Variants in CYB5B observed in about 807,000 individuals in gnomAD.
CYB5B encodes cytochrome b5 type B.
In CYB5B, 14 loss-of-function variants were observed where a neutral mutation model predicts 21.3. The ratio of observed to expected loss-of-function variants is 0.66; its 90% CI spans 0.43 to 1.03. The LOEUF is 1.03. Among genes scored for constraint, CYB5B ranks in the 50% least tolerant of loss-of-function variants. The pLI, the probability that CYB5B is intolerant of heterozygous loss-of-function variation, is 0.00. For missense variants in CYB5B, 166 were observed against 185.1 expected (o/e 0.90, Z 0.60); for synonymous variants, 69 against 68.4 (o/e 1.01, Z -0.04).
intron 3 of CYB5B, among the ~76,000 whole-genome samples, chr16:69,457,669 C>G (rs1229244156): frequency 3.3e-5 from 5 of 152,162 alleles, no homozygotes; most frequent in Non-Finnish European, 7.4e-5. Context: ...CGGATCCTTA[C>G]TAGACTAGTT....
At chr16:69,460,675 A>G (rs1317189464) in intron 4 of CYB5B, among the ~76,000 whole-genome samples, 4 of 152,238 alleles carry the variant, frequency 2.6e-5, no homozygotes, top group Admixed American at 2.6e-4. Flanking sequence ...CTAATGATAT[A>G]CTTGATAGAA....
chr16:69,442,542 T>A (rs1597282636), intron 1 of CYB5B, among the ~76,000 whole-genome samples: 1 of 152,102 alleles, frequency 6.6e-6, no homozygotes, highest in East Asian at 1.9e-4. Context: ...GTATTTTTAA[T>A]TTTTTTAGTG....
intron 1 of CYB5B, among the ~76,000 whole-genome samples, chr16:69,442,222 T>C (rs778506359): frequency 2.8e-4 from 42 of 152,194 alleles, no homozygotes; most frequent in Non-Finnish European, 4.9e-4. Flanking sequence ...TTTTCTTTCT[T>C]TGTTTACATG....
At chr16:69,443,252 A>T (rs1183015857) in intron 1 of CYB5B, 1 of 152,952 alleles carries the variant, frequency 6.5e-6, no homozygotes, top group Non-Finnish European at 1.5e-5. Flanking sequence ...CTCCTTTTTG[A>T]ACATAACTTC....
intron 1 of CYB5B, among the ~76,000 whole-genome samples, chr16:69,431,133 G>A (rs190206028): frequency 6.6e-4 from 100 of 152,094 alleles, no homozygotes; most frequent in African/African-American, 2.4e-3. Context: ...GGAGTAGCTG[G>A]CACTACAGGT....
chr16:69,451,115 T>C (rs940233247), intron 3 of CYB5B, among the ~76,000 whole-genome samples: 1 of 152,240 alleles, frequency 6.6e-6, no homozygotes, highest in Admixed American at 6.5e-5. Context: ...AGATTTTTTT[T>C]TAACCCGCTT....
chr16:69,462,305 A>C, intron 4 of CYB5B, 125 bp from the exon 5 acceptor site: 1 of 699,462 alleles, frequency 1.4e-6, no homozygotes, highest in Admixed American at 2.6e-5. Flanking sequence ...TTGTGATAAA[A>C]GCAGTTAAAT....
At chr16:69,447,031 A>AT (rs746535163) in intron 1 of CYB5B, 119 bp from the exon 2 acceptor site, 9 of 1,222,292 alleles carry the variant, frequency 7.4e-6, no homozygotes, top group Non-Finnish European at 1.0e-5. Context: ...GCACCACACA[A>AT]TGTCAATTTG....
intron 4 of CYB5B, among the ~76,000 whole-genome samples, chr16:69,461,167 C>T (rs543997776): frequency 2.4e-4 from 37 of 151,084 alleles, no homozygotes; most frequent in Non-Finnish European, 3.5e-4. Flanking sequence ...ATCGCGCCAC[C>T]GCACTCCGGC....
At chr16:69,431,904 A>G (rs146322289) in intron 1 of CYB5B, among the ~76,000 whole-genome samples, 42 of 152,352 alleles carry the variant, frequency 2.8e-4, no homozygotes, top group African/African-American at 8.4e-4. Context: ...TGAGTTGAGA[A>G]AGAAAAATCA....
chr16:69,437,048 T>C (rs1176365160), intron 1 of CYB5B, among the ~76,000 whole-genome samples: 1 of 152,222 alleles, frequency 6.6e-6, no homozygotes, highest in East Asian at 1.9e-4. Context: ...CACATATTCT[T>C]TGGACAGTTG....
chr16:69,457,816 AT>A (rs2014996954), intron 3 of CYB5B, among the ~76,000 whole-genome samples: 1 of 152,078 alleles, frequency 6.6e-6, no homozygotes, highest in Non-Finnish European at 1.5e-5. Context: ...GCATGTATTC[AT>A]TTGCATGACA....
intron 1 of CYB5B, among the ~76,000 whole-genome samples, chr16:69,425,410 C>T (rs561072546): frequency 1.3e-5 from 2 of 151,782 alleles, no homozygotes; most frequent in African/African-American, 2.4e-5. Flanking sequence ...CATAAATCAA[C>T]CCTTTTTTTT....
rs192282960 is a variant in CYB5B at position 69,461,687 on chromosome 16, G to A, written c.363-743G>A. Among the ~76,000 whole-genome samples, 6 of 152,276 alleles carry A rather than the reference G, an allele frequency of 3.9e-5. No homozygotes were observed. The East Asian group carries it at 1.2e-3, about 29-fold the overall frequency. ...GACTGTTCTGAAGCTCCTAAGGAAG[G>A]TCTCTTGCAGTACTTTTGAAGCTGC... On this transcript the variant is annotated intron_variant, in intron 4 of 4. Coordinates refer to ENST00000307892, the MANE Select transcript of CYB5B (RefSeq NM_030579.3).
intron 4 of CYB5B, among the ~76,000 whole-genome samples, chr16:69,460,742 C>G (rs78199628): frequency 6.6e-6 from 1 of 151,818 alleles, no homozygotes; most frequent in Non-Finnish European, 1.5e-5. Context: ...CAGTGTTATT[C>G]GAGATATTCA....
At chr16:69,447,906 A>G (rs1262703672) in intron 2 of CYB5B, among the ~76,000 whole-genome samples, 1 of 152,194 alleles carries the variant, frequency 6.6e-6, no homozygotes, top group Admixed American at 6.5e-5. Flanking sequence ...GGTAGTAATT[A>G]TGGACTTTAA....
intron 1 of CYB5B, among the ~76,000 whole-genome samples, chr16:69,428,086 A>G (rs892263713): frequency 6.6e-6 from 1 of 151,872 alleles, no homozygotes; most frequent in African/African-American, 2.4e-5. Flanking sequence ...GGGCCTCCCA[A>G]AGTGCTGAGA....
chr16:69,447,865 G>T (rs1484742610), intron 2 of CYB5B, among the ~76,000 whole-genome samples: 2 of 152,062 alleles, frequency 1.3e-5, no homozygotes, highest in African/African-American at 4.8e-5. Flanking sequence ...TAAAATAGTG[G>T]TTTGCTTGTT....
chr16:69,436,404 G>A (rs1038453019), intron 1 of CYB5B, among the ~76,000 whole-genome samples: 7 of 152,206 alleles, frequency 4.6e-5, no homozygotes, highest in South Asian at 4.1e-4. Context: ...CTGCAGACCT[G>A]AACTTCAGAC....
Sources: gnomAD v4.1 joint callset for allele counts (sites outside exome capture counted in the v4.1 genomes callset) on GRCh38, gnomAD v4.1.1 for gene constraint, MANE v1.5 for transcripts, NCBI Gene and HGNC (gene_info 2026-07-23, HGNC 2026-07-21) for gene names.